The following SCN2A variants were observed in gnomAD, a reference collection of about 807,000 sequenced individuals.
SCN2A encodes sodium channel protein type 2 subunit alpha.
In SCN2A, 20 loss-of-function variants were observed where a neutral mutation model predicts 188.7. The ratio of observed to expected loss-of-function variants is 0.11; its 90% CI spans 0.07 to 0.15. The LOEUF (loss-of-function observed/expected upper bound fraction) is 0.15. Ranked by LOEUF, SCN2A falls within the 10% of genes least tolerant of loss-of-function variation. The probability of loss-of-function intolerance (pLI) is 1.00; values close to 1 mark genes in which losing one functional copy is unlikely to be tolerated. For synonymous variants in SCN2A, 804 were observed against 833.1 expected (o/e 0.97, Z 0.60); for missense variants, 1,278 against 2,445.0 (o/e 0.52, Z 10.07).
intron 13 of SCN2A, 150 bp from the exon 14 acceptor site, chr2:165,331,180 C>G: frequency 2.9e-6 from 2 of 686,598 alleles, no homozygotes; most frequent in East Asian, 5.4e-5. Flanking sequence ...GACAGCAAAC[C>G]CATTGTAAAA....
At chr2:165,292,024 A>AG (rs888361509) in intron 1 of SCN2A, among the ~76,000 whole-genome samples, 4 of 152,112 alleles carry the variant, frequency 2.6e-5, no homozygotes, top group African/African-American at 9.7e-5. Context: ...ATCTAGCTGT[A>AG]GGGAAGCTAC....
chr2:165,242,254 T>C (rs991794941), intron 1 of SCN2A, among the ~76,000 whole-genome samples: 2 of 152,122 alleles, frequency 1.3e-5, no homozygotes, highest in Non-Finnish European at 2.9e-5. Context: ...TAAACATTAA[T>C]GGGGAACAAA....
chr2:165,284,573 A>C (rs956212985), intron 1 of SCN2A, among the ~76,000 whole-genome samples: 15 of 152,144 alleles, frequency 9.9e-5, no homozygotes, highest in Admixed American at 4.6e-4. Context: ...AGGAGTTTAG[A>C]GGCTGCTTTT....
chr2:165,274,659 C>G (rs1406819009), intron 1 of SCN2A, among the ~76,000 whole-genome samples: 1 of 152,202 alleles, frequency 6.6e-6, no homozygotes, highest in Non-Finnish European at 1.5e-5. Flanking sequence ...AATCCCTTTT[C>G]TAATCTTTTA....
At chr2:165,246,590 T>C (rs1223042162) in intron 1 of SCN2A, among the ~76,000 whole-genome samples, 2 of 152,190 alleles carry the variant, frequency 1.3e-5, no homozygotes, top group Non-Finnish European at 2.9e-5. Flanking sequence ...TTTCATTAGA[T>C]AAATTCCACA....
chr2:165,377,242 T>A (rs1701361826), intron 22 of SCN2A, among the ~76,000 whole-genome samples: 1 of 151,990 alleles, frequency 6.6e-6, no homozygotes, highest in South Asian at 2.1e-4. Context: ...TTTGAGCTTG[T>A]CTCATGCTGC....
intron 11 of SCN2A, among the ~76,000 whole-genome samples, chr2:165,319,704 T>C (rs1697970687): frequency 6.6e-6 from 1 of 152,028 alleles, no homozygotes; most frequent in Non-Finnish European, 1.5e-5. Context: ...CAAAAGAAGT[T>C]TCTCCCCATA....
intron 1 of SCN2A, among the ~76,000 whole-genome samples, chr2:165,280,573 C>A (rs353112): frequency 6.6e-6 from 1 of 151,954 alleles, no homozygotes. Flanking sequence ...GTGCCCCCAC[C>A]CATATCCTTA....
chr2:165,320,187 T>A (rs1048181657), intron 11 of SCN2A: 1 of 152,222 alleles, frequency 6.6e-6, no homozygotes, highest in South Asian at 2.1e-4. Context: ...AGCAGGGCAG[T>A]CAAATCTTAA....
chr2:165,368,437 AG>A (rs1700844659), intron 19 of SCN2A, among the ~76,000 whole-genome samples: 1 of 152,134 alleles, frequency 6.6e-6, no homozygotes, highest in Non-Finnish European at 1.5e-5. Flanking sequence ...TCCAGGCTTG[AG>A]GGTGGAGCCC....
chr2:165,313,788 G>A, intron 9 of SCN2A, 27 bp downstream of exon 9: 1 of 1,613,522 alleles, frequency 6.2e-7, no homozygotes, highest in Non-Finnish European at 8.5e-7. Context: ...TCATTTTTCT[G>A]AGAATCATAA....
At chr2:165,285,539 C>G (rs353133) in intron 1 of SCN2A, 187,441 of 193,496 alleles carry the variant, frequency 0.97, 91,061 homozygotes, top group East Asian at 1. Flanking sequence ...GAAAAGGAAA[C>G]TTTCAGGACA....
Position 165,391,696 on chromosome 2 carries a change from T to G in SCN2A, c.*1872T>G, listed in dbSNP as rs1702127799. ...AATCAGCTGATACTCTTGGCATTGC[T>G]TGAATCCAATGTTTCCACCTAGTCT... is the stretch of plus-strand genomic sequence containing the variant. On this transcript the variant is annotated 3_prime_UTR_variant, in exon 27 of 27. Coordinates refer to ENST00000375437, the MANE Select transcript of SCN2A (RefSeq NM_001040142.2). 2.0e-5 allele frequency: 3 copies of G among 152,556 alleles called. No individual in the cohort carries two copies. Among genetic ancestry groups the G allele is most frequent in the Admixed American group, 1.3e-4 (2 of 15,248 alleles). 9.5% of individuals were successfully genotyped at this position (152,556 alleles called of 1,614,324 possible). A position where few individuals can be genotyped will look rare whatever the true frequency, so the allele number is the denominator to read the frequency against.
intron 26 of SCN2A, among the ~76,000 whole-genome samples, chr2:165,387,610 A>G (rs1457285587): frequency 6.6e-6 from 1 of 152,148 alleles, no homozygotes; most frequent in Non-Finnish European, 1.5e-5. Flanking sequence ...GGATACATAC[A>G]TACATTAAGT....
At chr2:165,321,203 C>T (rs1176391061) in intron 11 of SCN2A, among the ~76,000 whole-genome samples, 1 of 152,192 alleles carries the variant, frequency 6.6e-6, no homozygotes, top group Non-Finnish European at 1.5e-5. Flanking sequence ...ACAAGAGTCA[C>T]CTTTGCTCCA....
chr2:165,279,137 A>C (rs958563093), intron 1 of SCN2A, among the ~76,000 whole-genome samples: 1 of 152,204 alleles, frequency 6.6e-6, no homozygotes, highest in African/African-American at 2.4e-5. Flanking sequence ...CTGGATTTCA[A>C]TCCCAATAAT....
At chr2:165,246,724 T>C (rs1295758322) in intron 1 of SCN2A, among the ~76,000 whole-genome samples, 3 of 152,076 alleles carry the variant, frequency 2.0e-5, no homozygotes, top group African/African-American at 7.2e-5. Flanking sequence ...CATATTCAGT[T>C]CCCACCTTAC....
At chr2:165,286,550 A>G (rs1695840421) in intron 1 of SCN2A, among the ~76,000 whole-genome samples, 1 of 152,198 alleles carries the variant, frequency 6.6e-6, no homozygotes, top group South Asian at 2.1e-4. Context: ...GAAGGGCCAG[A>G]CATCAGAACC....
At chr2:165,375,969 A>G (rs901884777) in intron 22 of SCN2A, among the ~76,000 whole-genome samples, 1 of 151,950 alleles carries the variant, frequency 6.6e-6, no homozygotes, top group South Asian at 2.1e-4. Context: ...CAAATGACAC[A>G]TGATGTCACT....
Sources: allele counts gnomAD v4.1 joint callset (sites outside exome capture counted in the v4.1 genomes callset), GRCh38; gene constraint gnomAD v4.1.1; transcripts MANE v1.5; gene names NCBI Gene and HGNC (gene_info 2026-07-23, HGNC 2026-07-21).